The following PTCHD4 variants were observed in gnomAD, a reference collection of about 807,000 sequenced individuals.
The protein encoded by PTCHD4 is patched domain-containing protein 4.
Under a neutral mutation model 58.1 loss-of-function variants are expected in PTCHD4, and 33 were observed. The ratio of observed to expected loss-of-function variants is 0.57; its 90% CI spans 0.43 to 0.76. The LOEUF is 0.76. PTCHD4 is among the 30% of genes least tolerant of loss of function. The probability of loss-of-function intolerance (pLI) is 0.00; values close to 1 mark genes in which losing one functional copy is unlikely to be tolerated. For missense variants in PTCHD4, 1,058 were observed against 1,027.1 expected (o/e 1.03, Z -0.41); for synonymous variants, 478 against 409.6 (o/e 1.17, Z -2.02).
At chr6:48,079,480 T>C (rs1302091260) in intron 1 of PTCHD4, among the ~76,000 whole-genome samples, 3 of 152,016 alleles carry the variant, frequency 2.0e-5, no homozygotes, top group Non-Finnish European at 4.4e-5. Context: ...AACATTCATA[T>C]CACTGTAAAG....
At chr6:47,898,001 G>C (rs1261772252) in intron 4 of PTCHD4, among the ~76,000 whole-genome samples, 2 of 121,646 alleles carry the variant, frequency 1.6e-5, no homozygotes. Flanking sequence ...CTGGAGTGCA[G>C]TGGCACTATC....
chr6:47,988,001 T>C lies in PTCHD4; in HGVS notation c.898+20633A>G, dbSNP rs1581978112. Among the ~76,000 whole-genome samples, 3 of 152,274 alleles carry C rather than the reference T, an allele frequency of 2.0e-5. No homozygotes were observed. The East Asian group carries it at 5.8e-4, about 29-fold the overall frequency. On this transcript the variant is annotated intron_variant, in intron 4 of 4. Transcript: ENST00000339488. The stretch of plus-strand genomic sequence containing the variant: ...CATGTTGGCCAGGCTGGTCTCAAAC[T>C]CCTGACTTCAGGTGATCTGCCCGCC...
intron 1 of PTCHD4, among the ~76,000 whole-genome samples, chr6:48,070,692 C>T (rs528406470): frequency 2.0e-5 from 3 of 152,316 alleles, no homozygotes; most frequent in Non-Finnish European, 4.4e-5. Context: ...GTTACACTGC[C>T]TTTTCTTGTA....
chr6:47,997,281 C>G (rs1365140662), intron 4 of PTCHD4, among the ~76,000 whole-genome samples: 2 of 151,888 alleles, frequency 1.3e-5, no homozygotes, highest in Non-Finnish European at 2.9e-5. Flanking sequence ...AGTAGTTTTA[C>G]CTAATTTTGT....
At chr6:48,008,311 G>A (rs746917788) in intron 4 of PTCHD4, among the ~76,000 whole-genome samples, 8 of 152,146 alleles carry the variant, frequency 5.3e-5, no homozygotes, top group African/African-American at 1.9e-4. Context: ...AATTTTGCTC[G>A]AAGTAGATTT....
At chr6:48,063,104 G>C (rs1582097757) in intron 3 of PTCHD4, among the ~76,000 whole-genome samples, 2 of 152,212 alleles carry the variant, frequency 1.3e-5, no homozygotes, top group South Asian at 4.1e-4. Flanking sequence ...TTTGAAGCCA[G>C]GAATACTCAA....
intron 4 of PTCHD4, among the ~76,000 whole-genome samples, chr6:47,935,813 T>C (rs1042364439): frequency 1.3e-5 from 2 of 152,150 alleles, no homozygotes; most frequent in African/African-American, 4.8e-5. Context: ...AATGAATACG[T>C]TTATACAAAG....
intron 4 of PTCHD4, among the ~76,000 whole-genome samples, chr6:47,919,007 A>G (rs1765347186): frequency 6.6e-6 from 1 of 152,196 alleles, no homozygotes. Context: ...CCGTAGTGAT[A>G]GCCAAGCAAC....
Position 48,069,156 on chromosome 6 carries a change from G to T in PTCHD4, c.-199C>A, listed in dbSNP as rs1459210041. Among the ~76,000 whole-genome samples the T allele has an allele frequency of 1.8e-5, 2 of 108,744 alleles. No individual in the cohort carries two copies. The highest frequency in any genetic ancestry group is 6.8e-5 in the African/African-American group (2 of 29,514). 71.3% of individuals were successfully genotyped at this position (108,744 alleles called of 152,430 possible). On this transcript the variant is annotated 5_prime_UTR_variant, in exon 2 of 5. Coordinates refer to ENST00000339488, the MANE Select transcript of PTCHD4 (RefSeq NM_001384253.1). ...GCCCCATAAAGGGGGGGGGGGCTGA[G>T]GGGGGGAGAGGAGGGAGAAGGGCGG...
In PTCHD4 at chr6:48,042,500, G is replaced by A. The variant is rs897590370; in HGVS notation, c.417+25730C>T. On this transcript the variant is annotated intron_variant, in intron 3 of 4. Transcript: ENST00000339488. Reference sequence around the variant, plus strand: ...AATAGAAATATAAGCTTCAATTTATGTCTGGTGAAAATGTCCCCTGCTCCC... The same window carrying A: ...AATAGAAATATAAGCTTCAATTTATATCTGGTGAAAATGTCCCCTGCTCCC... 9.9e-5 allele frequency among the ~76,000 whole-genome samples: 15 copies of A among 152,034 alleles called. No homozygotes were observed. The South Asian group carries it at 3.1e-3, about 32-fold the overall frequency.
intron 1 of PTCHD4, among the ~76,000 whole-genome samples, chr6:48,075,703 C>T (rs930308052): frequency 1.4e-4 from 21 of 152,146 alleles, no homozygotes; most frequent in African/African-American, 5.1e-4. Context: ...ATACCATAGC[C>T]TGTTAGTTGT....
At chr6:48,030,762 A>G (rs997470331) in intron 3 of PTCHD4, among the ~76,000 whole-genome samples, 1 of 152,302 alleles carries the variant, frequency 6.6e-6, no homozygotes, top group Non-Finnish European at 1.5e-5. Flanking sequence ...CTGCAGTGAT[A>G]CCAACCAAAC....
chr6:48,058,199 C>T (rs1475823905), intron 3 of PTCHD4, among the ~76,000 whole-genome samples: 1 of 152,188 alleles, frequency 6.6e-6, no homozygotes, highest in Non-Finnish European at 1.5e-5. Flanking sequence ...GACTGAGCAC[C>T]CTTTAAGTGG....
intron 4 of PTCHD4, among the ~76,000 whole-genome samples, chr6:47,885,310 A>C (rs1048584978): frequency 6.6e-6 from 1 of 152,110 alleles, no homozygotes; most frequent in Non-Finnish European, 1.5e-5. Flanking sequence ...GTCTGATGGG[A>C]TGCTGATGGG....
intron 3 of PTCHD4, among the ~76,000 whole-genome samples, chr6:48,013,427 T>A (rs1256989815): frequency 6.6e-6 from 1 of 150,454 alleles, no homozygotes; most frequent in Non-Finnish European, 1.5e-5. Flanking sequence ...TCTTTATAAT[T>A]TTCCCATCTT....
intron 1 of PTCHD4, among the ~76,000 whole-genome samples, chr6:48,084,932 C>A (rs922062185): frequency 6.6e-6 from 1 of 151,688 alleles, no homozygotes; most frequent in Non-Finnish European, 1.5e-5. Flanking sequence ...TTAGTAGAGA[C>A]GGTGTTTCAC....
intron 3 of PTCHD4, among the ~76,000 whole-genome samples, chr6:48,047,782 A>G (rs1764090226): frequency 6.6e-6 from 1 of 151,792 alleles, no homozygotes. Flanking sequence ...TCTATGCACC[A>G]GGGGCTGGGG....
At position 47,860,703 on chromosome 6, in the gene PTCHD4, C is replaced by T. The variant is rs2114056765; in HGVS notation, c.*17600G>A. ...AGCAGGGTCAGGGCTATTAGTGGAG[C>T]AGAAATTATAAACATTTGAGAGACA... On this transcript the variant is annotated 3_prime_UTR_variant, in exon 5 of 5. Coordinates refer to ENST00000339488, the MANE Select transcript of PTCHD4 (RefSeq NM_001384253.1). 6.6e-6 allele frequency among the ~76,000 whole-genome samples: 1 copy of T among 151,954 alleles called. No individual in the cohort carries two copies. Among genetic ancestry groups the T allele is most frequent in the East Asian group, 1.9e-4 (1 of 5,130 alleles).
rs931203980 is a variant in PTCHD4 at position 47,866,915 on chromosome 6, T to G, written c.*11388A>C. On this transcript the variant is annotated 3_prime_UTR_variant, in exon 5 of 5. Transcript: ENST00000339488. ...CTTAAAATTTACATTTAGAAAAGGA[T>G]AGATGGGGAGAAAATCTATGCAGTT... Among the ~76,000 whole-genome samples the G allele has an allele frequency of 6.6e-6, 1 of 151,794 alleles. No individual in the cohort carries two copies. Among genetic ancestry groups the G allele is most frequent in the South Asian group, 2.1e-4 (1 of 4,822 alleles).
Sources: allele counts gnomAD v4.1 joint callset (sites outside exome capture counted in the v4.1 genomes callset), GRCh38; gene constraint gnomAD v4.1.1; transcripts MANE v1.5; gene names NCBI Gene and HGNC (gene_info 2026-07-23, HGNC 2026-07-21).